Variants in NCAPG observed in about 807,000 individuals in gnomAD.
The protein encoded by NCAPG is condensin complex subunit 3.
A neutral mutation model predicts 113.1 loss-of-function variants in NCAPG; 69 were observed. The ratio of observed to expected loss-of-function variants is 0.61; its 90% CI spans 0.50 to 0.75. NCAPG has a LOEUF of 0.75. Among genes scored for constraint, NCAPG ranks in the 30% least tolerant of loss-of-function variants. The probability of loss-of-function intolerance (pLI) is 0.00; values close to 1 mark genes in which losing one functional copy is unlikely to be tolerated. For missense variants in NCAPG, 1,058 were observed against 1,177.0 expected, an observed-to-expected ratio of 0.90 and a Z score of 1.48; for synonymous variants, 370 against 415.8, an observed-to-expected ratio of 0.89 and a Z score of 1.34.
At chr4:17,828,437 T>A in intron 12 of NCAPG, 49 bp downstream of exon 12, 1 of 1,033,628 alleles carries the variant, frequency 9.7e-7, no homozygotes, top group Non-Finnish European at 1.5e-6. Context: ...CCTTTCTTAT[T>A]TTGTAAGTGA....
intron 7 of NCAPG, among the ~76,000 whole-genome samples, chr4:17,819,010 G>A (rs1328693306): frequency 1.3e-5 from 2 of 152,118 alleles, no homozygotes; most frequent in African/African-American, 4.8e-5. Flanking sequence ...AATATAGGGT[G>A]TATATTCAAA....
intron 8 of NCAPG, 60 bp downstream of exon 8, chr4:17,823,183 T>C: frequency 4.1e-6 from 6 of 1,471,174 alleles, no homozygotes; most frequent in Non-Finnish European, 5.6e-6. Flanking sequence ...TATTGAAATA[T>C]AGTCCTTTTA....
rs750006216 is a variant in NCAPG, at chr4:17,813,064, A to T, written c.463A>T (p.Ile155Phe). 9 of 1,613,970 alleles carry T rather than the reference A, an allele frequency of 5.6e-6. No homozygotes were observed. Among genetic ancestry groups the T allele is most frequent in the South Asian group, 4.4e-5 (4 of 91,086 alleles). Reference sequence around the variant, plus strand: ...CATGCTTATTAGATTGAAAGATAAGATTCCAAATGTGAGAATACAGGCAGT... The same window carrying T: ...CATGCTTATTAGATTGAAAGATAAGTTTCCAAATGTGAGAATACAGGCAGT... ...KAMLIRLKDK[I>F]PNVRIQAVLA... is the part of the protein sequence containing the mutation. Residue 155 changes from isoleucine to phenylalanine, a missense_variant, in exon 3 of 21, where the codon ATT (isoleucine) becomes TTT (phenylalanine). By Grantham distance (21) the Ile-to-Phe change is conservative. Coordinates refer to ENST00000251496, the MANE Select transcript of NCAPG (RefSeq NM_022346.5).
At chr4:17,841,441 T>C (rs1459565084) in intron 19 of NCAPG, 1 of 151,986 alleles carries the variant, frequency 6.6e-6, no homozygotes, top group Non-Finnish European at 1.5e-5. Flanking sequence ...AAATACCAAT[T>C]GCTGGATATT....
At chr4:17,823,155 T>C in intron 8 of NCAPG, 32 bp downstream of exon 8, 1 of 1,584,214 alleles carries the variant, frequency 6.3e-7, no homozygotes, top group Non-Finnish European at 8.6e-7. Context: ...CATTCTAATT[T>C]GCCCTTCTAA....
At chr4:17,815,110 T>G in intron 4 of NCAPG, 112 bp downstream of exon 4, 1 of 1,415,966 alleles carries the variant, frequency 7.1e-7, no homozygotes, top group East Asian at 2.3e-5. Context: ...GTTGAGGTTT[T>G]ATGGAGAACA....
Position 17,840,116 on chromosome 4 carries a change from A to T in NCAPG, c.2674A>T (p.Ile892Phe). Residue 892 changes from isoleucine to phenylalanine, a missense_variant, in exon 18 of 21, where the codon ATT becomes TTT. Transcript: ENST00000251496. ...TCTGAGAGCTTTGGAGAAAATCAAG[A>T]TTCAGTTAGAAAAAGGAAATAAAGA... The part of the protein sequence containing the change: ...TCLRALEKIK[I>F]QLEKGNKEFG... 1 of 1,612,050 alleles carries T rather than the reference A, an allele frequency of 6.2e-7. No individual in the cohort carries two copies. The highest frequency in any genetic ancestry group is 1.1e-5 in the South Asian group (1 of 90,698).
rs888398552 is a variant in NCAPG, at chr4:17,811,242, C to T, written c.111+54C>T. 84 of 1,146,062 alleles carry T rather than the reference C, an allele frequency of 7.3e-5. No homozygotes were observed. The African/African-American group carries it at 1.3e-3, about 18-fold the overall frequency. The allele number at this position is 1,146,062 out of a possible 1,614,324, so 71.0% of individuals were successfully genotyped here. A position where few individuals can be genotyped will look rare whatever the true frequency, so the allele number is the denominator to read the frequency against. On this transcript the variant is annotated intron_variant, in intron 1 of 20. Coordinates refer to ENST00000251496, the MANE Select transcript of NCAPG (RefSeq NM_022346.5). The surrounding 1 kb of genome is among the most constrained non-coding windows in gnomAD (Gnocchi z 5.3). Reference sequence around the variant, plus strand: ...TCTCGCCCGCCCCGGCCCACCCTCCCTCAGGGGCCCTCCGTGGCCCTCGGG... The same window carrying T: ...TCTCGCCCGCCCCGGCCCACCCTCCTTCAGGGGCCCTCCGTGGCCCTCGGG...
At position 17,832,065 on chromosome 4, in the gene NCAPG, G is replaced by A. The variant is rs1721887834; in HGVS notation, c.1884+949G>A. Among the ~76,000 whole-genome samples, 5 of 152,168 alleles carry A rather than the reference G, an allele frequency of 3.3e-5. No individual in the cohort carries two copies. The South Asian group carries it at 8.3e-4, about 25-fold the overall frequency. On this transcript the variant is annotated intron_variant, in intron 13 of 20. Coordinates refer to ENST00000251496, the MANE Select transcript of NCAPG (RefSeq NM_022346.5). The stretch of plus-strand genomic sequence containing the variant: ...AATACATAAATGAATTAGTATGGCT[G>A]TAGTCCAGTAAAACTTTATGGACAC...
rs1316668962 is a variant in NCAPG, at chr4:17,843,917, G to C, written c.*492G>C. ...TATCAATCACCAGTGAGGAAGACCA[G>C]TATAACGTTCAACAACAGTTATTTT... On this transcript the variant is annotated 3_prime_UTR_variant, in exon 21 of 21. Transcript: ENST00000251496. The C allele has an allele frequency of 1.3e-5, 2 of 152,314 alleles. No individual in the cohort carries two copies. Among genetic ancestry groups the C allele is most frequent in the Non-Finnish European group, 2.9e-5 (2 of 68,084 alleles). The allele number at this position is 152,314 out of a possible 1,614,324, so 9.4% of individuals were successfully genotyped here. A position where few individuals can be genotyped will look rare whatever the true frequency, so the allele number is the denominator to read the frequency against.
At chr4:17,827,712 C>T (rs1427598100) in intron 11 of NCAPG, among the ~76,000 whole-genome samples, 1 of 148,592 alleles carries the variant, frequency 6.7e-6, no homozygotes, top group Admixed American at 6.7e-5. Context: ...GAATCTGAAA[C>T]TTAGAAAATA....
intron 13 of NCAPG, among the ~76,000 whole-genome samples, 163 bp downstream of exon 13, chr4:17,831,279 G>A (rs1240557136): frequency 6.6e-6 from 1 of 152,138 alleles, no homozygotes; most frequent in East Asian, 1.9e-4. Flanking sequence ...TTATTAAAAT[G>A]TCTTTGTAGA....
rs1207931097 is a variant in NCAPG, at chr4:17,834,347, A to C, written c.1933A>C (p.Ile645Leu). Residue 645 changes from isoleucine (I) to leucine (L), a missense_variant, in exon 14 of 21, where the codon ATC becomes CTC. Physicochemically the swap from Ile to Leu is conservative, Grantham distance 5. Coordinates refer to ENST00000251496, the MANE Select transcript of NCAPG (RefSeq NM_022346.5). Reference protein sequence around the residue: ...VTIKISALKAIFDQLMTFGIE... With the variant: ...VTIKISALKALFDQLMTFGIE... ...AATAAAAATAAGTGCTTTAAAGGCAATCTTTGACCAACTGATGACGTTCGG... is the reference window on the plus strand; with the variant it reads ...AATAAAAATAAGTGCTTTAAAGGCACTCTTTGACCAACTGATGACGTTCGG... 1 of 1,606,818 alleles carries C rather than the reference A, an allele frequency of 6.2e-7. No individual in the cohort carries two copies. The highest frequency in any genetic ancestry group is 1.3e-5 in the African/African-American group (1 of 74,688).
Position 17,825,511 on chromosome 4 carries a change from C to A in NCAPG, c.1603C>A (p.Leu535Ile), listed in dbSNP as rs1233069598. 1 of 1,604,246 alleles carries A rather than the reference C, an allele frequency of 6.2e-7. No individual in the cohort carries two copies. The highest frequency in any genetic ancestry group is 1.8e-5 in the Admixed American group (1 of 56,820). Reference sequence around the variant, plus strand: ...AGCATTAGAAGATGCCAGAATAAACCTTTTGAAAGAGACAGAGCAACTTGA... The same window carrying A: ...AGCATTAGAAGATGCCAGAATAAACATTTTGAAAGAGACAGAGCAACTTGA... The part of the protein sequence containing the change: ...IKALEDARIN[L>I]LKETEQLEIK... Residue 535 changes from leucine (L) to isoleucine (I), a missense_variant, in exon 11 of 21, where the codon CTT becomes ATT. Transcript: ENST00000251496.
chr4:17,818,139 C>CA, intron 7 of NCAPG, 51 bp downstream of exon 7: 1 of 1,533,018 alleles, frequency 6.5e-7, no homozygotes, highest in Non-Finnish European at 8.8e-7. Context: ...CTGCATGTGT[C>CA]AATCTCCCAG....
chr4:17,823,675 A>T lies in NCAPG; in HGVS notation c.1288A>T (p.Ile430Phe), dbSNP rs1181272361. 1 of 1,611,316 alleles carries T rather than the reference A, an allele frequency of 6.2e-7. No homozygotes were observed. The highest frequency in any genetic ancestry group is 1.7e-5 in the Admixed American group (1 of 59,866). The change falls in exon 9 of 21, where the codon ATT becomes TTT. Residue 430 changes from isoleucine to phenylalanine, a missense_variant. Physicochemically the swap from Ile to Phe is conservative, Grantham distance 21. Transcript: ENST00000251496. ...RKKLLAVLQE[I>F]LILPTIPISL... ...AAAACTGCTGGCTGTTTTACAGGAG[A>T]TTCTTATTTTACCCACAATCCCAAT...
chr4:17,829,510 A>G (rs1037281122), intron 12 of NCAPG, among the ~76,000 whole-genome samples: 7 of 152,212 alleles, frequency 4.6e-5, no homozygotes, highest in Non-Finnish European at 8.8e-5. Context: ...GTCCTACAAA[A>G]TTGAAGTAGT....
chr4:17,831,610 G>T (rs1721873066), intron 13 of NCAPG, among the ~76,000 whole-genome samples: 1 of 152,156 alleles, frequency 6.6e-6, no homozygotes, highest in South Asian at 2.1e-4. Flanking sequence ...GCAAATACCA[G>T]AAGGAAGTAC....
At chr4:17,819,765 T>TA (rs11430672) in intron 7 of NCAPG, among the ~76,000 whole-genome samples, 18,626 of 152,248 alleles carry the variant, frequency 0.12, 1,244 homozygotes, top group South Asian at 0.24. Flanking sequence ...CTGTATGAAG[T>TA]ACAGTTCTCT....
Sources: allele counts gnomAD v4.1 joint callset (sites outside exome capture counted in the v4.1 genomes callset), GRCh38; gene constraint gnomAD v4.1.1; non-coding constraint Gnocchi (gnomAD v3.1); transcripts MANE v1.5; gene names NCBI Gene and HGNC (gene_info 2026-07-23, HGNC 2026-07-21).